The following CYP2B6 variants were observed in gnomAD, a reference collection of about 807,000 sequenced individuals.
The protein encoded by CYP2B6 is cytochrome P450 family 2 subfamily B member 6, also known as cytochrome P450 2B6.
In CYP2B6, 35 loss-of-function variants were observed where a neutral mutation model predicts 43.4. The ratio of observed to expected loss-of-function variants is 0.81; its 90% CI spans 0.62 to 1.07. The LOEUF (loss-of-function observed/expected upper bound fraction) is 1.07. CYP2B6 is among the 50% of genes least tolerant of loss of function. The pLI is 0.00. For missense variants in CYP2B6, 624 were observed against 632.8 expected (o/e 0.99, Z 0.15); for synonymous variants, 239 against 239.2 (o/e 1.00, Z 0.01).
At chr19:41,003,286 T>C (rs148770369) in intron 1 of CYP2B6, among the ~76,000 whole-genome samples, 1 of 151,982 alleles carries the variant, frequency 6.6e-6, no homozygotes, top group Non-Finnish European at 1.5e-5. Context: ...CTATGCATAC[T>C]CTTTTTTTTT....
rs148009906 is a variant in CYP2B6 at position 41,004,133 on chromosome 19, G to A, written c.304G>A (p.Ala102Thr). ...AEAFSGRGKI[A>T]MVDPFFRGYG... ...GGCCTTCTCTGGCCGGGGAAAAATC[G>A]CCATGGTCGACCCATTCTTCCGGGG... Residue 102 changes from alanine to threonine, a missense_variant, in exon 2 of 9, where the codon GCC becomes ACC. Transcript: ENST00000324071. 1.9e-5 allele frequency: 30 copies of A among 1,543,860 alleles called. No individual in the cohort carries two copies. Among genetic ancestry groups the A allele is most frequent in the South Asian group, 6.7e-5 (6 of 89,962 alleles).
At chr19:41,010,575 G>A (rs1288810570) in intron 6 of CYP2B6, among the ~76,000 whole-genome samples, 8 of 151,730 alleles carry the variant, frequency 5.3e-5, no homozygotes, top group East Asian at 3.9e-4. Flanking sequence ...CACCACACCC[G>A]GCTAATTTTT....
chr19:41,016,955 T>C lies in CYP2B6; in HGVS notation c.*128T>C. ...CTGCTACAAGCCAGCTTCCTTCCCCTCCATGGCACCAGTTGTCTGAGGTCA... is the reference window on the plus strand; with the variant it reads ...CTGCTACAAGCCAGCTTCCTTCCCCCCCATGGCACCAGTTGTCTGAGGTCA... On this transcript the variant is annotated 3_prime_UTR_variant, in exon 9 of 9. Transcript: ENST00000324071. 1.1e-6 allele frequency: 1 copy of C among 927,250 alleles called. No homozygotes were observed. The highest frequency in any genetic ancestry group is 2.5e-5 in the Admixed American group (1 of 40,248). 57.4% of individuals were successfully genotyped at this position (927,250 alleles called of 1,614,324 possible). A position where few individuals can be genotyped will look rare whatever the true frequency, so the allele number is the denominator to read the frequency against.
intron 1 of CYP2B6, among the ~76,000 whole-genome samples, chr19:41,000,871 T>C (rs1969072930): frequency 6.6e-6 from 1 of 151,998 alleles, no homozygotes; most frequent in Admixed American, 6.6e-5. Context: ...AAACCCTGTC[T>C]GTACTAAAAA....
chr19:41,016,186 A>G (rs943727695), intron 8 of CYP2B6, among the ~76,000 whole-genome samples: 6 of 152,124 alleles, frequency 3.9e-5, no homozygotes, highest in Non-Finnish European at 7.3e-5. Context: ...ATCTGAGGTC[A>G]GGAGCTCGAG....
rs1159506515 is a variant in CYP2B6 at position 41,017,816 on chromosome 19, T to A, written c.*989T>A. On this transcript the variant is annotated 3_prime_UTR_variant, in exon 9 of 9. Coordinates refer to ENST00000324071, the MANE Select transcript of CYP2B6 (RefSeq NM_000767.5). ...GTTTTTGTCACTATGGACTTACCAA[T>A]TCTGAATATTTCCCATAAACAGAAT... The A allele has an allele frequency of 3.3e-5, 5 of 151,986 alleles. No homozygotes were observed. Among genetic ancestry groups the A allele is most frequent in the African/African-American group, 1.2e-4 (5 of 41,350 alleles). 9.4% of individuals were successfully genotyped at this position (151,986 alleles called of 1,614,324 possible).
intron 1 of CYP2B6, among the ~76,000 whole-genome samples, chr19:41,001,802 T>C (rs1190526911): frequency 6.6e-6 from 1 of 152,134 alleles, no homozygotes; most frequent in Non-Finnish European, 1.5e-5. Flanking sequence ...GACATTCCAT[T>C]GGCAGAGACA....
At chr19:41,006,800 G>A in intron 3 of CYP2B6, 105 bp from the exon 4 acceptor site, 1 of 1,072,722 alleles carries the variant, frequency 9.3e-7, no homozygotes, top group Non-Finnish European at 1.4e-6. Context: ...TTATTCTCAT[G>A]TTTACCATTA....
In CYP2B6 at chr19:41,004,331, G is replaced by A; in HGVS notation, c.369G>A (p.Val123=). 6.2e-7 allele frequency: 1 copy of A among 1,614,004 alleles called. No individual in the cohort carries two copies. The highest frequency in any genetic ancestry group is 8.5e-7 in the Non-Finnish European group (1 of 1,180,028). Reference sequence around the variant, plus strand: ...TTGCCAATGGAAACCGCTGGAAGGTGCTTCGGCGATTCTCTGTGACCACTA... The same window carrying A: ...TTGCCAATGGAAACCGCTGGAAGGTACTTCGGCGATTCTCTGTGACCACTA... ...VIFANGNRWK[V]LRRFSVTTMR... The change falls in exon 3 of 9, where the codon GTG becomes GTA. Residue 123 remains valine, a synonymous_variant. Coordinates refer to ENST00000324071, the MANE Select transcript of CYP2B6 (RefSeq NM_000767.5).
chr19:41,000,931 C>T (rs534388236), intron 1 of CYP2B6, among the ~76,000 whole-genome samples: 11 of 152,068 alleles, frequency 7.2e-5, no homozygotes, highest in African/African-American at 2.2e-4. Flanking sequence ...CCCAGCTACT[C>T]GGGAGGCTGA....
intron 8 of CYP2B6, among the ~76,000 whole-genome samples, chr19:41,013,945 G>A (rs1164438259): frequency 6.6e-6 from 1 of 152,218 alleles, no homozygotes; most frequent in Non-Finnish European, 1.5e-5. Flanking sequence ...GCATGTCTGG[G>A]CAGCTTGTAG....
intron 4 of CYP2B6, among the ~76,000 whole-genome samples, chr19:41,007,871 C>T (rs953177249): frequency 1.3e-5 from 2 of 151,930 alleles, no homozygotes; most frequent in Admixed American, 6.6e-5. Context: ...AGTGATCTGC[C>T]CGCCTCAGAC....
Position 41,014,305 on chromosome 19 carries a change from C to CT in CYP2B6, c.1294+1503dup, listed in dbSNP as rs543485540. ...CTCTCAATTTTGCTATCTGAAGTTT[C>CT]TTTTTTTTTTTTTGTCTTCAGACGG... On this transcript the variant is annotated intron_variant, in intron 8 of 8. Transcript: ENST00000324071. Among the ~76,000 whole-genome samples, 552 of 143,550 alleles carry CT rather than the reference C, an allele frequency of 3.8e-3. 1 individual carries two copies. Among genetic ancestry groups the CT allele is most frequent in the Middle Eastern group, 0.011 (3 of 274 alleles). 94.2% of individuals were successfully genotyped at this position (143,550 alleles called of 152,430 possible). A position where few individuals can be genotyped will look rare whatever the true frequency, so the allele number is the denominator to read the frequency against.
At chr19:40,994,505 C>G (rs1968970923) in intron 1 of CYP2B6, among the ~76,000 whole-genome samples, 1 of 152,020 alleles carries the variant, frequency 6.6e-6, no homozygotes, top group Admixed American at 6.6e-5. Context: ...ACTGTATTTA[C>G]TTATTTATTT....
chr19:41,011,664 T>C (rs35750328), intron 6 of CYP2B6, among the ~76,000 whole-genome samples: 23 of 152,200 alleles, frequency 1.5e-4, no homozygotes, highest in Non-Finnish European at 3.4e-4. Context: ...TTTCTACTCA[T>C]CTTAGAGAGG....
rs139031137 is a variant in CYP2B6 at position 40,992,363 on chromosome 19, G to A, written c.171+887G>A. Among the ~76,000 whole-genome samples, 204 of 152,124 alleles carry A rather than the reference G, an allele frequency of 1.3e-3. 2 individuals are homozygous for A. Among genetic ancestry groups the A allele is most frequent in the African/African-American group, 4.5e-3 (188 of 41,468 alleles). Reference sequence around the variant, plus strand: ...AACCTTGGGCATCAACATTACTTCTGTCACCATCATAATGGACTTGTCTGC... The same window carrying A: ...AACCTTGGGCATCAACATTACTTCTATCACCATCATAATGGACTTGTCTGC... On this transcript the variant is annotated intron_variant, in intron 1 of 8. Coordinates refer to ENST00000324071, the MANE Select transcript of CYP2B6 (RefSeq NM_000767.5).
At chr19:41,003,414 C>T (rs1391013897) in intron 1 of CYP2B6, among the ~76,000 whole-genome samples, 2 of 152,078 alleles carry the variant, frequency 1.3e-5, no homozygotes, top group East Asian at 1.9e-4. Flanking sequence ...TCATCCTACT[C>T]AGAATGATGC....
At position 41,003,298 on chromosome 19, in the gene CYP2B6, C is replaced by T. The variant is rs1416451512; in HGVS notation, c.172-703C>T. 3.3e-5 allele frequency among the ~76,000 whole-genome samples: 5 copies of T among 151,722 alleles called. No individual in the cohort carries two copies. In the South Asian group the frequency reaches 6.2e-4, roughly 19 times the overall value. ...GCACTATGCATACTCTTTTTTTTTC[C>T]TATACAATCACATTATATAGGGAGG... On this transcript the variant is annotated intron_variant, in intron 1 of 8. Transcript: ENST00000324071.
intron 6 of CYP2B6, among the ~76,000 whole-genome samples, chr19:41,010,395 T>C (rs566609445): frequency 4.0e-5 from 6 of 150,310 alleles, no homozygotes; most frequent in Non-Finnish European, 7.4e-5. Flanking sequence ...TGTTTGTTTG[T>C]TTTTTGTTTT....
Sources: gnomAD v4.1 joint callset for allele counts (sites outside exome capture counted in the v4.1 genomes callset) on GRCh38, gnomAD v4.1.1 for gene constraint, MANE v1.5 for transcripts, NCBI Gene and HGNC (gene_info 2026-07-23, HGNC 2026-07-21) for gene names.